The following POU2F2 variants were observed in gnomAD, a reference collection of about 807,000 sequenced individuals.
The protein encoded by POU2F2 is POU domain, class 2, transcription factor 2.
POU2F2 carries 14 observed loss-of-function variants against 63.5 expected under a neutral mutation model. The ratio of observed to expected loss-of-function variants is 0.22; its 90% CI spans 0.15 to 0.34. The LOEUF is 0.34. Among genes scored for constraint, POU2F2 ranks in the 10% least tolerant of loss-of-function variants. The probability of loss-of-function intolerance (pLI) is 1.00; values close to 1 mark genes in which losing one functional copy is unlikely to be tolerated. For synonymous variants in POU2F2, 306 were observed against 348.6 expected (o/e 0.88, Z 1.36); for missense variants, 607 against 815.2 (o/e 0.74, Z 3.11).
At position 42,155,292 on chromosome 19, in the gene POU2F2, T is replaced by G. The variant is rs550852356; in HGVS notation, c.-9+5040A>C. On this transcript the variant is annotated intron_variant, in intron 2 of 6. Transcript: ENST00000524801. The surrounding 1 kb of genome is among the most constrained non-coding windows in gnomAD (Gnocchi z 4.2). ...CTCTGAGTCCCTCACTCTGCTTTCC[T>G]GCCTCTGACTTTTCTGCTGTTTCCT... Among the ~76,000 whole-genome samples, 1 of 152,368 alleles carries G rather than the reference T, an allele frequency of 6.6e-6. No homozygotes were observed. The highest frequency in any genetic ancestry group is 2.1e-4 in the South Asian group (1 of 4,830).
intron 1 of POU2F2, among the ~76,000 whole-genome samples, chr19:42,165,572 A>C (rs911905383): frequency 1.3e-5 from 2 of 152,182 alleles, no homozygotes; most frequent in African/African-American, 2.4e-5. Flanking sequence ...GATAATGTGC[A>C]CTTCTGTGGG....
chr19:42,095,163 G>T lies in POU2F2; in HGVS notation c.1197+123C>A. 1 of 1,253,336 alleles carries T rather than the reference G, an allele frequency of 8.0e-7. No homozygotes were observed. Among genetic ancestry groups the T allele is most frequent in the Non-Finnish European group, 1.1e-6 (1 of 930,376 alleles). The allele number at this position is 1,253,336 out of a possible 1,614,324, so 77.6% of individuals were successfully genotyped here. A position where few individuals can be genotyped will look rare whatever the true frequency, so the allele number is the denominator to read the frequency against. On this transcript the variant is annotated intron_variant, in intron 11 of 14. Transcript: ENST00000692977. The surrounding 1 kb of genome is among the most constrained non-coding windows in gnomAD (Gnocchi z 7.1). ...ACTGTGCCCATCTACGTGATGGCCT[G>T]TCTCCAAGAGTGACTCTTCTTGTCT...
At chr19:42,196,820 A>G (rs1454022274), upstream of POU2F2, among the ~76,000 whole-genome samples, 1 of 152,270 alleles carries the variant, frequency 6.6e-6, no homozygotes, top group African/African-American at 2.4e-5. Context: ...GCACTGCGCC[A>G]GCGCAGATCC....
intron 5 of POU2F2, among the ~76,000 whole-genome samples, chr19:42,111,806 C>T (rs1398522557): frequency 1.3e-5 from 2 of 151,952 alleles, no homozygotes; most frequent in African/African-American, 2.4e-5. Flanking sequence ...ACTCTTATCC[C>T]CTGCAGTCCA....
intron 12 of POU2F2, chr19:42,093,483 C>T (rs2076810002): frequency 8.6e-6 from 2 of 232,692 alleles, no homozygotes; most frequent in East Asian, 1.7e-4. Context: ...TTATGTTTTA[C>T]ACATTCATAA....
intron 1 of POU2F2, among the ~76,000 whole-genome samples, chr19:42,185,023 A>G (rs1038629846): frequency 6.6e-6 from 1 of 152,102 alleles, no homozygotes; most frequent in Non-Finnish European, 1.5e-5. Context: ...TCTAGCATTC[A>G]AGTCAGAAAA....
Position 42,132,417 on chromosome 19 carries a change from C to A in POU2F2, c.-6G>T. The stretch of plus-strand genomic sequence containing the variant: ...CCCATGCTGGAGTGAACCATGCTGC[C>A]CGCCCCGCCAGGGCTGGGGGAACAA... On this transcript the variant is annotated 5_prime_UTR_variant, in exon 1 of 15. Coordinates refer to ENST00000692977, the MANE Select transcript of POU2F2 (RefSeq NM_001394376.1). 5 of 1,507,434 alleles carry A rather than the reference C, an allele frequency of 3.3e-6. No homozygotes were observed. The highest frequency in any genetic ancestry group is 4.4e-6 in the Non-Finnish European group (5 of 1,131,058). 93.4% of individuals were successfully genotyped at this position (1,507,434 alleles called of 1,614,324 possible).
chr19:42,112,734 T>C (rs940803533), intron 5 of POU2F2, among the ~76,000 whole-genome samples: 2 of 152,178 alleles, frequency 1.3e-5, no homozygotes, highest in Non-Finnish European at 2.9e-5. Context: ...ACACCCATTT[T>C]ACCTGCCCTA....
At chr19:42,193,404 C>G (rs2035095806) in intron 1 of POU2F2, among the ~76,000 whole-genome samples, 1 of 152,070 alleles carries the variant, frequency 6.6e-6, no homozygotes, top group South Asian at 2.1e-4. Context: ...ATATACCCTT[C>G]TAAGAGGGAG....
intron 14 of POU2F2, 21 bp from the exon 15 acceptor site, chr19:42,091,612 C>A: frequency 6.5e-7 from 1 of 1,540,272 alleles, no homozygotes; most frequent in Non-Finnish European, 8.8e-7. Context: ...GAGAGAGAGG[C>A]TGGGCTAAGG....
chr19:42,111,971 C>T (rs114783852), intron 5 of POU2F2, among the ~76,000 whole-genome samples: 6 of 152,134 alleles, frequency 3.9e-5, no homozygotes, highest in South Asian at 2.1e-4. Context: ...GAAGTTGTGG[C>T]GATCAGGGCA....
Position 42,129,487 on chromosome 19 carries a change from T to TC in POU2F2, c.28+2896dup, listed in dbSNP as rs545442564. ...CGGACTTTCACTTCTCCTCTGCATT[T>TC]CCCCCCGCCAGTTTTAGCAGACTTA... On this transcript the variant is annotated intron_variant, in intron 1 of 14. Transcript: ENST00000692977. Among the ~76,000 whole-genome samples the TC allele has an allele frequency of 2.6e-5, 4 of 152,050 alleles. No homozygotes were observed. In the South Asian group the frequency reaches 6.2e-4, roughly 24 times the overall value.
At chr19:42,141,473 CT>C (rs58221767) in intron 2 of POU2F2, among the ~76,000 whole-genome samples, 4,323 of 98,988 alleles carry the variant, frequency 0.044, 119 homozygotes, top group African/African-American at 0.14. Context: ...CTTAATTAAT[CT>C]TTTTTTTTTT....
In POU2F2 at chr19:42,089,977, G is replaced by A. The variant is rs1390112633; in HGVS notation, c.*1280C>T. On this transcript the variant is annotated 3_prime_UTR_variant, in exon 15 of 15. Coordinates refer to ENST00000692977, the MANE Select transcript of POU2F2 (RefSeq NM_001394376.1). Reference sequence around the variant, plus strand: ...TGGCCACCACCGCGCCCTCTCAGATGGGGACCACAGGCTGTGGCACTGTCC... The same window carrying A: ...TGGCCACCACCGCGCCCTCTCAGATAGGGACCACAGGCTGTGGCACTGTCC... 6.6e-6 allele frequency: 1 copy of A among 152,148 alleles called. No individual in the cohort carries two copies. The highest frequency in any genetic ancestry group is 1.5e-5 in the Non-Finnish European group (1 of 67,994). The allele number at this position is 152,148 out of a possible 1,614,324, so 9.4% of individuals were successfully genotyped here.
At chr19:42,166,384 C>T (rs1568421083) in intron 1 of POU2F2, among the ~76,000 whole-genome samples, 1 of 152,152 alleles carries the variant, frequency 6.6e-6, no homozygotes, top group Non-Finnish European at 1.5e-5. Context: ...TTGCACAATG[C>T]CTAACACCTG....
At chr19:42,157,764 C>T (rs948634920) in intron 2 of POU2F2, among the ~76,000 whole-genome samples, 1 of 152,138 alleles carries the variant, frequency 6.6e-6, no homozygotes, top group African/African-American at 2.4e-5. Flanking sequence ...GTTGAGGAGC[C>T]TTAGATGGGG....
rs865932820 is a variant in POU2F2 at position 42,103,689 on chromosome 19, G to A, written c.370-3868C>T. On this transcript the variant is annotated intron_variant, in intron 5 of 14. Coordinates refer to ENST00000692977, the MANE Select transcript of POU2F2 (RefSeq NM_001394376.1). ...ACTCTGTTGCCCAGGCTGGAGTGCA[G>A]TGGCACCATCTCGGCTCACTGCAAG... Among the ~76,000 whole-genome samples, 3 of 132,292 alleles carry A rather than the reference G, an allele frequency of 2.3e-5. No homozygotes were observed. The South Asian group carries it at 7.2e-4, about 32-fold the overall frequency. The allele number at this position is 132,292 out of a possible 152,430, so 86.8% of individuals were successfully genotyped here.
At chr19:42,119,650 C>T (rs1451302070) in intron 4 of POU2F2, among the ~76,000 whole-genome samples, 3 of 151,852 alleles carry the variant, frequency 2.0e-5, no homozygotes, top group African/African-American at 7.3e-5. Flanking sequence ...CCAGCCTGGG[C>T]GACAGAGCGA....
chr19:42,148,618 T>C (rs1418889980), intron 2 of POU2F2, among the ~76,000 whole-genome samples: 2 of 151,874 alleles, frequency 1.3e-5, no homozygotes, highest in Admixed American at 1.3e-4. Context: ...CATCCTGAGA[T>C]CCTCCTCATC....
Sources: gnomAD v4.1 joint callset for allele counts (sites outside exome capture counted in the v4.1 genomes callset) on GRCh38, gnomAD v4.1.1 for gene constraint, Gnocchi (gnomAD v3.1) non-coding constraint, MANE v1.5 for transcripts, NCBI Gene and HGNC (gene_info 2026-07-23, HGNC 2026-07-21) for gene names.